AGBL1: variants seen among roughly 807,000 people sequenced by gnomAD.
The protein encoded by AGBL1 is cytosolic carboxypeptidase 4.
In AGBL1, 130 loss-of-function variants were observed where a neutral mutation model predicts 118.9. The observed-to-expected ratio is 1.09, with a 90% confidence interval of 0.95 to 1.26. AGBL1 has a LOEUF of 1.26. AGBL1 is among the 50% of genes most tolerant of loss of function. The pLI, the probability that AGBL1 is intolerant of heterozygous loss-of-function variation, is 0.00. For synonymous variants in AGBL1, 555 were observed against 478.9 expected (o/e 1.16, Z -2.08); for missense variants, 1,584 against 1,298.1 (o/e 1.22, Z -3.38).
At chr15:86,188,557 C>G (rs1170505353) in intron 5 of AGBL1, among the ~76,000 whole-genome samples, 1 of 152,170 alleles carries the variant, frequency 6.6e-6, no homozygotes, top group Non-Finnish European at 1.5e-5. Flanking sequence ...ATATTACCTG[C>G]TAAATGTCCT....
intron 20 of AGBL1, among the ~76,000 whole-genome samples, chr15:86,551,312 T>C (rs1393676540): frequency 2.0e-5 from 3 of 152,128 alleles, no homozygotes; most frequent in African/African-American, 7.2e-5. Flanking sequence ...TAATTTGATT[T>C]CTTAAAACGG....
chr15:86,430,324 A>T (rs987077645), intron 18 of AGBL1, among the ~76,000 whole-genome samples: 1 of 151,906 alleles, frequency 6.6e-6, no homozygotes, highest in Admixed American at 6.6e-5. Context: ...GTGAAACCCC[A>T]TCTCTACTAA....
intron 24 of AGBL1, among the ~76,000 whole-genome samples, chr15:87,018,167 A>T (rs2141796535): frequency 6.6e-6 from 1 of 152,300 alleles, no homozygotes; most frequent in South Asian, 2.1e-4. Context: ...GAAAGAGATG[A>T]GAATGGAACC....
intron 22 of AGBL1, among the ~76,000 whole-genome samples, chr15:86,745,651 G>T (rs141455947): frequency 6.6e-6 from 1 of 152,118 alleles, no homozygotes; most frequent in East Asian, 1.9e-4. Flanking sequence ...CCCACCTCCC[G>T]ATTTTATCTG....
At chr15:86,428,408 A>G (rs1261126636) in intron 18 of AGBL1, among the ~76,000 whole-genome samples, 1 of 152,198 alleles carries the variant, frequency 6.6e-6, no homozygotes, top group Non-Finnish European at 1.5e-5. Context: ...GCAGATACAC[A>G]TCTTCTTATT....
intron 17 of AGBL1, among the ~76,000 whole-genome samples, chr15:86,329,578 G>T (rs559305071): frequency 6.6e-6 from 1 of 151,952 alleles, no homozygotes; most frequent in Non-Finnish European, 1.5e-5. Flanking sequence ...GGTATTTGGA[G>T]TGCCTGCTCC....
At chr15:86,486,625 T>C (rs1596177875) in intron 18 of AGBL1, among the ~76,000 whole-genome samples, 1 of 152,176 alleles carries the variant, frequency 6.6e-6, no homozygotes, top group Non-Finnish European at 1.5e-5. Context: ...AGTAAAGAAC[T>C]TGAGAATTGT....
chr15:86,446,982 G>A (rs369754230), intron 18 of AGBL1, among the ~76,000 whole-genome samples: 12 of 152,176 alleles, frequency 7.9e-5, no homozygotes, highest in African/African-American at 2.9e-4. Flanking sequence ...TGGATTACCT[G>A]AGTGGGTTTT....
At chr15:86,385,833 C>A (rs1254518678) in intron 17 of AGBL1, among the ~76,000 whole-genome samples, 1 of 152,018 alleles carries the variant, frequency 6.6e-6, no homozygotes, top group African/African-American at 2.4e-5. Context: ...GTATTTGAAG[C>A]ACAGAACTGT....
intron 4 of AGBL1, among the ~76,000 whole-genome samples, chr15:86,156,785 C>T (rs368753460): frequency 2.3e-5 from 3 of 128,736 alleles, no homozygotes; most frequent in South Asian, 2.7e-4. Context: ...TTTCTTTTTT[C>T]TTTTCTTTCT....
intron 21 of AGBL1, among the ~76,000 whole-genome samples, chr15:86,561,214 G>A (rs1226569232): frequency 1.3e-5 from 2 of 152,152 alleles, no homozygotes; most frequent in East Asian, 1.9e-4. Flanking sequence ...CCTTGCCCAC[G>A]CCTATGTCCT....
chr15:86,610,982 A>G (rs575935158), intron 21 of AGBL1, among the ~76,000 whole-genome samples: 1 of 152,332 alleles, frequency 6.6e-6, no homozygotes. Flanking sequence ...CTGCTGAATC[A>G]GAAACTCAGG....
At chr15:86,958,459 G>T (rs186642646) in intron 23 of AGBL1, among the ~76,000 whole-genome samples, 1 of 152,056 alleles carries the variant, frequency 6.6e-6, no homozygotes, top group African/African-American at 2.4e-5. Flanking sequence ...TAAAGAAAAA[G>T]AAACATGAAT....
intron 3 of AGBL1, among the ~76,000 whole-genome samples, chr15:86,149,199 C>T (rs1172928548): frequency 6.6e-6 from 1 of 152,162 alleles, no homozygotes; most frequent in Admixed American, 6.5e-5. Context: ...ACCGTTGATG[C>T]TAGGAAGAAA....
At chr15:86,145,159 A>T (rs879617317) in intron 3 of AGBL1, among the ~76,000 whole-genome samples, 1 of 152,182 alleles carries the variant, frequency 6.6e-6, no homozygotes, top group Non-Finnish European at 1.5e-5. Flanking sequence ...AATTTGTAAT[A>T]AAATCTGCAA....
At chr15:86,857,358 G>A (rs987140204) in intron 22 of AGBL1, among the ~76,000 whole-genome samples, 19 of 152,084 alleles carry the variant, frequency 1.2e-4, no homozygotes, top group Non-Finnish European at 2.4e-4. Flanking sequence ...CATGGCCTGC[G>A]TCTCTTTTCA....
intron 22 of AGBL1, among the ~76,000 whole-genome samples, chr15:86,735,655 G>GATATATATATATATAT (rs61663652): frequency 5.5e-5 from 8 of 146,744 alleles, no homozygotes; most frequent in Admixed American, 3.4e-4. Flanking sequence ...TACAAAGAGA[G>GATATATATATATATAT]ATATATATAT....
At chr15:87,011,483 T>A (rs1170109279) in intron 24 of AGBL1, among the ~76,000 whole-genome samples, 1 of 152,256 alleles carries the variant, frequency 6.6e-6, no homozygotes, top group Non-Finnish European at 1.5e-5. Context: ...CAGATTTAAA[T>A]AAGAGATAAA....
chr15:86,213,326 T>C (rs1264873368), intron 5 of AGBL1, among the ~76,000 whole-genome samples: 11 of 152,184 alleles, frequency 7.2e-5, no homozygotes, highest in Admixed American at 6.5e-4. Flanking sequence ...CTCCCTTCAC[T>C]TCTTACTAAG....
Sources: allele counts gnomAD v4.1 joint callset (sites outside exome capture counted in the v4.1 genomes callset), GRCh38; gene constraint gnomAD v4.1.1; transcripts MANE v1.5; gene names NCBI Gene and HGNC (gene_info 2026-07-23, HGNC 2026-07-21).